Variants in ZNF536 observed in about 807,000 individuals in gnomAD.
The protein encoded by ZNF536 is zinc finger protein 536.
Under a neutral mutation model 84.5 loss-of-function variants are expected in ZNF536, and 13 were observed. That is an observed-to-expected ratio of 0.15 (90% CI 0.10 to 0.24). ZNF536 has a LOEUF of 0.24. Among genes scored for constraint, ZNF536 ranks in the 10% least tolerant of loss-of-function variants. The probability of loss-of-function intolerance (pLI) is 1.00; values close to 1 mark genes in which losing one functional copy is unlikely to be tolerated. For synonymous variants in ZNF536, 811 were observed against 742.5 expected, an observed-to-expected ratio of 1.09 and a Z score of -1.50; for missense variants, 1,536 against 1,747.5, an observed-to-expected ratio of 0.88 and a Z score of 2.16.
chr19:30,644,894 G>C (rs571406117), intron 1 of ZNF536, among the ~76,000 whole-genome samples: 3 of 152,234 alleles, frequency 2.0e-5, no homozygotes, highest in Admixed American at 6.5e-5. Context: ...GTAATGGGAT[G>C]GCTGGGTCAA....
At chr19:30,409,304 A>G (rs2050389583) in intron 1 of ZNF536, among the ~76,000 whole-genome samples, 1 of 152,342 alleles carries the variant, frequency 6.6e-6, no homozygotes, top group East Asian at 1.9e-4. Flanking sequence ...TCCTGCCAAT[A>G]GTCTGCAGCA....
rs2146210809 is a variant in ZNF536, at chr19:30,548,643, C to T, written c.3024C>T (p.Phe1008=). Residue 1008 remains phenylalanine (F), a synonymous_variant, in exon 4 of 5, where the codon TTC becomes TTT. Transcript: ENST00000355537. The part of the protein sequence containing the change: ...IAWHGCLFCA[F]TTSSMELMAL... ...GGCACGGCTGCTTGTTTTGTGCTTT[C>T]ACAACGTCCTCCATGGAGCTCATGG... The T allele has an allele frequency of 1.2e-6, 2 of 1,614,132 alleles. No homozygotes were observed. Among genetic ancestry groups the T allele is most frequent in the Non-Finnish European group, 8.5e-7 (1 of 1,180,046 alleles).
chr19:30,671,103 G>A (rs1208839278), intron 1 of ZNF536, among the ~76,000 whole-genome samples: 1 of 152,208 alleles, frequency 6.6e-6, no homozygotes, highest in Non-Finnish European at 1.5e-5. Context: ...AAGCCCTAGA[G>A]GAACAAGGAT....
chr19:30,441,641 A>T (rs967573326), intron 1 of ZNF536, among the ~76,000 whole-genome samples: 1 of 152,198 alleles, frequency 6.6e-6, no homozygotes, highest in African/African-American at 2.4e-5. Flanking sequence ...CGCGTATTTT[A>T]AAAAAATTTG....
At chr19:30,480,324 C>T (rs1008240542) in intron 2 of ZNF536, among the ~76,000 whole-genome samples, 2 of 152,218 alleles carry the variant, frequency 1.3e-5, no homozygotes. Context: ...TCTTCTCCTT[C>T]CCCAACGTGA....
At chr19:30,615,889 CCT>C (rs1222250678) in intron 1 of ZNF536, among the ~76,000 whole-genome samples, 1 of 151,426 alleles carries the variant, frequency 6.6e-6, no homozygotes, top group African/African-American at 2.4e-5. Context: ...CCTCTCTGTC[CCT>C]CTCTCTCTGC....
At chr19:30,631,586 A>G (rs757268019) in intron 1 of ZNF536, among the ~76,000 whole-genome samples, 51 of 152,174 alleles carry the variant, frequency 3.4e-4, no homozygotes, top group Non-Finnish European at 6.8e-4. Flanking sequence ...TGCCTCCACC[A>G]TTACTTAGGA....
chr19:30,383,725 TTC>T (rs1568376681), intron 1 of ZNF536, among the ~76,000 whole-genome samples: 11 of 30,946 alleles, frequency 3.6e-4, no homozygotes, highest in Non-Finnish European at 7.5e-4. Context: ...CTTTCTTTCT[TTC>T]TTTCTTTCTT....
At chr19:30,491,219 T>A (rs1316241931) in intron 2 of ZNF536, among the ~76,000 whole-genome samples, 2 of 152,152 alleles carry the variant, frequency 1.3e-5, no homozygotes, top group Non-Finnish European at 2.9e-5. Flanking sequence ...TAAAATGGCA[T>A]CTAAGAGAAG....
intron 1 of ZNF536, among the ~76,000 whole-genome samples, chr19:30,630,974 G>A (rs988465388): frequency 6.6e-6 from 1 of 152,174 alleles, no homozygotes; most frequent in Admixed American, 6.5e-5. Context: ...TCTGCTGGCC[G>A]AGGCTCGCTC....
intron 1 of ZNF536, among the ~76,000 whole-genome samples, chr19:30,373,045 G>A (rs1281005666): frequency 6.6e-6 from 1 of 152,112 alleles, no homozygotes; most frequent in Non-Finnish European, 1.5e-5. Context: ...ACCACACAAA[G>A]AAAACTCCGC....
At chr19:30,481,956 A>G (rs1305255059) in intron 2 of ZNF536, among the ~76,000 whole-genome samples, 1 of 152,190 alleles carries the variant, frequency 6.6e-6, no homozygotes, top group Non-Finnish European at 1.5e-5. Flanking sequence ...CCATAGAATA[A>G]TGGCCTCCAA....
intron 1 of ZNF536, among the ~76,000 whole-genome samples, chr19:30,673,966 G>A (rs1056674156): frequency 2.6e-5 from 4 of 152,138 alleles, no homozygotes; most frequent in Non-Finnish European, 4.4e-5. Flanking sequence ...CTTCATCTCC[G>A]CACTTGGGTT....
intron 2 of ZNF536, among the ~76,000 whole-genome samples, chr19:30,505,904 G>A (rs1443553577): frequency 6.6e-6 from 1 of 152,102 alleles, no homozygotes; most frequent in East Asian, 1.9e-4. Flanking sequence ...GACCTGAGGT[G>A]ATCTGCCCTC....
At chr19:30,261,162 G>C (rs1046083303) in intron 1 of ZNF536, among the ~76,000 whole-genome samples, 13 of 150,350 alleles carry the variant, frequency 8.6e-5, no homozygotes, top group Admixed American at 1.3e-4. Context: ...GCCGGGCGTA[G>C]TGGCGGGCGC....
chr19:30,587,745 T>TG (rs1386909163), intron 1 of ZNF536, among the ~76,000 whole-genome samples: 2 of 152,232 alleles, frequency 1.3e-5, no homozygotes, highest in Non-Finnish European at 2.9e-5. Context: ...ATGGGAGTGG[T>TG]GCTTGCAGAG....
At chr19:30,708,010 A>G (rs1474104957) in intron 1 of ZNF536, among the ~76,000 whole-genome samples, 2 of 139,690 alleles carry the variant, frequency 1.4e-5, no homozygotes, top group East Asian at 2.0e-4. Flanking sequence ...GACTCCATCA[A>G]AAAAAAAAAA....
At chr19:30,515,676 C>G (rs780211552) in intron 2 of ZNF536, among the ~76,000 whole-genome samples, 11 of 152,068 alleles carry the variant, frequency 7.2e-5, no homozygotes, top group South Asian at 2.1e-4. Context: ...CAAAATTGTT[C>G]CTGGCCTTCC....
intron 1 of ZNF536, among the ~76,000 whole-genome samples, chr19:30,281,349 C>T (rs28633123): frequency 0.25 from 38,104 of 152,126 alleles, 5,422 homozygotes; most frequent in East Asian, 0.55. Flanking sequence ...CTGGAAGTTG[C>T]GGCCACTCTG....
Sources: gnomAD v4.1 joint callset for allele counts (sites outside exome capture counted in the v4.1 genomes callset) on GRCh38, gnomAD v4.1.1 for gene constraint, MANE v1.5 for transcripts, NCBI Gene and HGNC (gene_info 2026-07-23, HGNC 2026-07-21) for gene names.